PLA2R1: variants seen among roughly 807,000 people sequenced by gnomAD.
PLA2R1 encodes phospholipase A2 receptor 1, also known as secretory phospholipase A2 receptor.
A neutral mutation model predicts 195.9 loss-of-function variants in PLA2R1; 158 were observed. That is an observed-to-expected ratio of 0.81 (90% CI 0.71 to 0.92). PLA2R1 has a LOEUF of 0.92. Ranked by LOEUF, PLA2R1 falls within the 40% of genes least tolerant of loss-of-function variation. The pLI is 0.00. For missense variants in PLA2R1, 1,626 were observed against 1,764.6 expected, an observed-to-expected ratio of 0.92 and a Z score of 1.41; for synonymous variants, 586 against 598.2, an observed-to-expected ratio of 0.98 and a Z score of 0.30.
intron 1 of PLA2R1, among the ~76,000 whole-genome samples, chr2:160,049,325 TA>T (rs1381249079): frequency 6.6e-6 from 1 of 152,214 alleles, no homozygotes; most frequent in Non-Finnish European, 1.5e-5. Flanking sequence ...GATCAACTTT[TA>T]AACCGAAGTT....
At position 160,032,173 on chromosome 2, in the gene PLA2R1, T is replaced by C. The variant is rs182554591; in HGVS notation, c.841+786A>G. On this transcript the variant is annotated intron_variant, in intron 4 of 29. Coordinates refer to ENST00000283243, the MANE Select transcript of PLA2R1 (RefSeq NM_007366.5). ...CAGTTGTCTCTGGATTACAGAACTA[T>C]GGGAACCTTTTTATTGGTTTTTCTT... 1.1e-3 allele frequency among the ~76,000 whole-genome samples: 175 copies of C among 152,372 alleles called. 1 individual carries two copies. Among genetic ancestry groups the C allele is most frequent in the African/African-American group, 3.5e-3 (146 of 41,596 alleles).
chr2:159,955,350 TA>T lies in PLA2R1; in HGVS notation c.3154-5del. 6.4e-7 allele frequency: 1 copy of T among 1,572,972 alleles called. No homozygotes were observed. Among genetic ancestry groups the T allele is most frequent in the African/African-American group, 1.3e-5 (1 of 74,126 alleles). ...CAGTGGTATTGTGACTTGGAATCTT[TA>T]AAATAATACACGTTATCAAAAGTAT... On this transcript the variant is annotated splice_region_variant and splice_polypyrimidine_tract_variant and intron_variant, in intron 22 of 29. Coordinates refer to ENST00000283243, the MANE Select transcript of PLA2R1 (RefSeq NM_007366.5).
chr2:160,033,472 T>C (rs1236421041), intron 3 of PLA2R1, among the ~76,000 whole-genome samples: 1 of 152,250 alleles, frequency 6.6e-6, no homozygotes, highest in East Asian at 1.9e-4. Context: ...TTTAGAACTT[T>C]ATATTGAAAA....
intron 20 of PLA2R1, among the ~76,000 whole-genome samples, chr2:159,959,399 T>C (rs1286314436): frequency 6.6e-6 from 1 of 152,192 alleles, no homozygotes; most frequent in Non-Finnish European, 1.5e-5. Context: ...CACGACTTCA[T>C]TGTTTCTAAA....
In PLA2R1 at chr2:160,044,910, C is replaced by G; in HGVS notation, c.357G>C (p.Arg119Ser). 6.2e-7 allele frequency: 1 copy of G among 1,614,134 alleles called. No homozygotes were observed. The change falls in exon 2 of 30, where the codon AGG becomes AGC. Residue 119 changes from arginine (R) to serine (S), a missense_variant. By Grantham distance (110) the Arg-to-Ser change is moderately radical (BLOSUM62 -1). Coordinates refer to ENST00000283243, the MANE Select transcript of PLA2R1 (RefSeq NM_007366.5). ...TLVSLRWRCN[R>S]KMITGPLQYS... ...ACTGCAGCGGGCCTGTGATCATCTT[C>G]CTGTTACAGCGCCACCGTAAGGAAA... is the stretch of plus-strand genomic sequence containing the variant.
At chr2:160,010,757 C>G (rs947209322) in intron 10 of PLA2R1, among the ~76,000 whole-genome samples, 3 of 152,220 alleles carry the variant, frequency 2.0e-5, no homozygotes, top group Non-Finnish European at 4.4e-5. Context: ...AGTGTGGACC[C>G]TTGTTTCTTC....
intron 10 of PLA2R1, among the ~76,000 whole-genome samples, chr2:160,009,433 A>G (rs1223151094): frequency 6.6e-6 from 1 of 152,266 alleles, no homozygotes; most frequent in Non-Finnish European, 1.5e-5. Flanking sequence ...GAAATAAACC[A>G]GACACAGAAA....
chr2:159,967,711 G>C, intron 19 of PLA2R1, 33 bp from the exon 20 acceptor site: 1 of 1,591,552 alleles, frequency 6.3e-7, no homozygotes. Flanking sequence ...AATGGCTTAG[G>C]AACAATGGCG....
At chr2:160,033,550 A>C (rs1573939963) in intron 3 of PLA2R1, among the ~76,000 whole-genome samples, 1 of 152,268 alleles carries the variant, frequency 6.6e-6, no homozygotes, top group Non-Finnish European at 1.5e-5. Context: ...CCCTAAATAC[A>C]AAATGCTAAA....
intron 1 of PLA2R1, among the ~76,000 whole-genome samples, chr2:160,054,765 CAA>C (rs1695431021): frequency 1.3e-5 from 2 of 152,086 alleles, no homozygotes; most frequent in African/African-American, 4.8e-5. Context: ...ATTTTATGAA[CAA>C]TAATATTTCT....
chr2:159,977,856 G>T (rs1055670334), intron 14 of PLA2R1, among the ~76,000 whole-genome samples: 1 of 152,156 alleles, frequency 6.6e-6, no homozygotes, highest in Non-Finnish European at 1.5e-5. Context: ...CGTGGACCCA[G>T]GAAGCAGAGC....
intron 20 of PLA2R1, among the ~76,000 whole-genome samples, chr2:159,962,971 G>A (rs1365175994): frequency 3.3e-5 from 5 of 152,056 alleles, no homozygotes; most frequent in Non-Finnish European, 5.9e-5. Context: ...ACCATGGCAC[G>A]TGTATATCTA....
intron 14 of PLA2R1, 129 bp from the exon 15 acceptor site, chr2:159,977,545 A>G (rs1408785923): frequency 3.1e-6 from 2 of 643,918 alleles, no homozygotes; most frequent in East Asian, 2.8e-5. Flanking sequence ...TCTGGATGTC[A>G]TTCTAGTTGA....
intron 6 of PLA2R1, among the ~76,000 whole-genome samples, chr2:160,023,134 A>G (rs1334781584): frequency 6.6e-6 from 1 of 152,180 alleles, no homozygotes; most frequent in Non-Finnish European, 1.5e-5. Context: ...GGATGGCAGC[A>G]AGATGGCCGA....
intron 5 of PLA2R1, 104 bp from the exon 6 acceptor site, chr2:160,028,465 A>G: frequency 1.3e-6 from 1 of 784,646 alleles, no homozygotes; most frequent in Non-Finnish European, 2.2e-6. Context: ...TCTATTTGTC[A>G]TATATAGTAA....
chr2:159,976,451 G>GC (rs1296818851), intron 16 of PLA2R1, among the ~76,000 whole-genome samples: 2 of 152,040 alleles, frequency 1.3e-5, no homozygotes, highest in African/African-American at 4.8e-5. Flanking sequence ...AAAGGTCGGG[G>GC]ATAGGTACAT....
intron 20 of PLA2R1, among the ~76,000 whole-genome samples, chr2:159,962,537 T>A (rs1231006360): frequency 6.6e-6 from 1 of 152,234 alleles, no homozygotes; most frequent in Non-Finnish European, 1.5e-5. Context: ...TTACTGGGTA[T>A]ATACCCAAAG....
intron 20 of PLA2R1, among the ~76,000 whole-genome samples, chr2:159,965,524 C>T (rs1688730507): frequency 6.6e-6 from 1 of 152,090 alleles, no homozygotes; most frequent in Non-Finnish European, 1.5e-5. Flanking sequence ...TGTGGTTGTA[C>T]CAGTTTATTT....
In PLA2R1 at chr2:160,043,804, C is replaced by G. The variant is rs12468589; in HGVS notation, c.493+970G>C. On this transcript the variant is annotated intron_variant, in intron 2 of 29. Coordinates refer to ENST00000283243, the MANE Select transcript of PLA2R1 (RefSeq NM_007366.5). ...TTAGTGAGTCCTGAAAATGCCTGGCCCTTGGCTCTGTCTCTTTTTAATCAT... is the reference window on the plus strand; with the variant it reads ...TTAGTGAGTCCTGAAAATGCCTGGCGCTTGGCTCTGTCTCTTTTTAATCAT... Among the ~76,000 whole-genome samples, 1,289 of 152,276 alleles carry G rather than the reference C, an allele frequency of 8.5e-3. 19 individuals are homozygous for G. The highest frequency in any genetic ancestry group is 0.025 in the Admixed American group (390 of 15,298).
Sources: allele counts gnomAD v4.1 joint callset (sites outside exome capture counted in the v4.1 genomes callset), GRCh38; gene constraint gnomAD v4.1.1; transcripts MANE v1.5; gene names NCBI Gene and HGNC (gene_info 2026-07-23, HGNC 2026-07-21).